The following SUB1 variants were observed in gnomAD, a reference collection of about 807,000 sequenced individuals.
SUB1 encodes the protein SUB1 regulator of transcription, also known as activated RNA polymerase II transcriptional coactivator p15.
A neutral mutation model predicts 16.9 loss-of-function variants in SUB1; 1 was observed. The observed-to-expected ratio is 0.06, with a 90% CI of 0.02 to 0.28. The LOEUF is 0.28. Ranked by LOEUF, SUB1 falls within the 10% of genes least tolerant of loss-of-function variation. The probability of loss-of-function intolerance (pLI) is 1.00; values close to 1 mark genes in which losing one functional copy is unlikely to be tolerated. For missense variants in SUB1, 84 were observed against 145.2 expected, an observed-to-expected ratio of 0.58 and a Z score of 2.16; for synonymous variants, 51 against 46.9, an observed-to-expected ratio of 1.09 and a Z score of -0.36.
At chr5:32,594,805 A>C in intron 3 of SUB1, 1 of 190,794 alleles carries the variant, frequency 5.2e-6, no homozygotes, top group South Asian at 7.8e-5. Context: ...TGAAACGATC[A>C]CCTTTCCCCT....
chr5:32,599,700 G>GT (rs760992493), intron 4 of SUB1, among the ~76,000 whole-genome samples: 2,717 of 142,734 alleles, frequency 0.019, 18 homozygotes, highest in Middle Eastern at 0.058. Flanking sequence ...GCTTCATGCA[G>GT]TTTTTTTTTT....
Position 32,603,441 on chromosome 5 carries a change from G to A in SUB1, c.*2357G>A, listed in dbSNP as rs1401694177. The A allele has an allele frequency of 6.6e-6, 1 of 152,008 alleles. No individual in the cohort carries two copies. Among genetic ancestry groups the A allele is most frequent in the African/African-American group, 2.4e-5 (1 of 41,380 alleles). 9.4% of individuals were successfully genotyped at this position (152,008 alleles called of 1,614,324 possible). ...TTTTTCCCTTTAACAGACTCTATGT[G>A]TATCAGGGCTTTCTAATGGGTTTTT... On this transcript the variant is annotated 3_prime_UTR_variant, in exon 5 of 5. Coordinates refer to ENST00000265073, the MANE Select transcript of SUB1 (RefSeq NM_006713.4).
At chr5:32,589,851 A>ATTTTT (rs1310630810) in intron 2 of SUB1, among the ~76,000 whole-genome samples, 1 of 148,986 alleles carries the variant, frequency 6.7e-6, no homozygotes, top group Non-Finnish European at 1.5e-5. Context: ...CAGGCTCCCT[A>ATTTTT]TCTTTTTTTT....
chr5:32,592,909 G>A (rs1327415612), intron 3 of SUB1, among the ~76,000 whole-genome samples: 1 of 152,138 alleles, frequency 6.6e-6, no homozygotes, highest in Non-Finnish European at 1.5e-5. Context: ...TTAAGAGAGA[G>A]GGTGAAGGAA....
intron 1 of SUB1, among the ~76,000 whole-genome samples, chr5:32,588,126 G>A (rs1308816817): frequency 6.6e-6 from 1 of 152,184 alleles, no homozygotes; most frequent in Non-Finnish European, 1.5e-5. Context: ...GAAGTCTAAA[G>A]CAGTAATAGT....
chr5:32,595,602 G>C (rs1005040177), intron 3 of SUB1: 1 of 152,218 alleles, frequency 6.6e-6, no homozygotes, highest in Non-Finnish European at 1.5e-5. Flanking sequence ...GGGCTATTAG[G>C]AATACAACTG....
intron 3 of SUB1, chr5:32,598,669 A>G (rs550439404): frequency 4.3e-6 from 1 of 230,170 alleles, no homozygotes. Flanking sequence ...TTATGCATTC[A>G]TGACATACCT....
chr5:32,598,808 C>T (rs1359363300), intron 3 of SUB1, 153 bp from the exon 4 acceptor site: 4 of 579,328 alleles, frequency 6.9e-6, no homozygotes, highest in Non-Finnish European at 1.2e-5. Context: ...GTGGGACCTG[C>T]ACAGTTCAGA....
rs1204107572 is a variant in SUB1, at chr5:32,602,243, G to C, written c.*1159G>C. Reference sequence around the variant, plus strand: ...TTAGTGGCTTTGTGGCAATAAATAGGGCATGGTGTGCCTTAGGAAAAGAAT... The same window carrying C: ...TTAGTGGCTTTGTGGCAATAAATAGCGCATGGTGTGCCTTAGGAAAAGAAT... On this transcript the variant is annotated 3_prime_UTR_variant, in exon 5 of 5. Coordinates refer to ENST00000265073, the MANE Select transcript of SUB1 (RefSeq NM_006713.4). 2.2e-6 allele frequency: 1 copy of C among 455,276 alleles called. No individual in the cohort carries two copies. The highest frequency in any genetic ancestry group is 2.4e-5 in the Admixed American group (1 of 42,400). 28.2% of individuals were successfully genotyped at this position (455,276 alleles called of 1,614,324 possible). A position where few individuals can be genotyped will look rare whatever the true frequency, so the allele number is the denominator to read the frequency against.
rs1739158655 is a variant in SUB1 at position 32,603,200 on chromosome 5, A to T, written c.*2116A>T. On this transcript the variant is annotated 3_prime_UTR_variant, in exon 5 of 5. Coordinates refer to ENST00000265073, the MANE Select transcript of SUB1 (RefSeq NM_006713.4). ...TTAAATGTGTTACTGGATATGCAGT[A>T]TACTGAAATTATTAATCAGTTTGTG... 6.6e-6 allele frequency: 1 copy of T among 152,212 alleles called. No individual in the cohort carries two copies. The highest frequency in any genetic ancestry group is 1.5e-5 in the Non-Finnish European group (1 of 67,994). The allele number at this position is 152,212 out of a possible 1,614,324, so 9.4% of individuals were successfully genotyped here.
At chr5:32,586,621 GC>G (rs1255967592) in intron 1 of SUB1, 1 of 152,104 alleles carries the variant, frequency 6.6e-6, no homozygotes, top group Non-Finnish European at 1.5e-5. Flanking sequence ...AGGCCCCCAG[GC>G]AGTTTTTGAT....
intron 3 of SUB1, among the ~76,000 whole-genome samples, chr5:32,593,019 A>G (rs1247605585): frequency 1.3e-5 from 2 of 150,230 alleles, no homozygotes; most frequent in Non-Finnish European, 3.0e-5. Context: ...CGAGACTACA[A>G]TTTTTTTTTT....
chr5:32,596,337 G>A (rs1370233586), intron 3 of SUB1: 1 of 152,062 alleles, frequency 6.6e-6, no homozygotes, highest in Non-Finnish European at 1.5e-5. Context: ...ATTTTCTTTA[G>A]GTTTCTGGTT....
chr5:32,586,707 C>G (rs1368408555), intron 1 of SUB1, among the ~76,000 whole-genome samples: 1 of 152,106 alleles, frequency 6.6e-6, no homozygotes, highest in Admixed American at 6.5e-5. Flanking sequence ...TAAAAAATAT[C>G]TTTTTGTCGT....
intron 4 of SUB1, among the ~76,000 whole-genome samples, chr5:32,599,800 C>T (rs1739072065): frequency 6.6e-6 from 1 of 151,892 alleles, no homozygotes; most frequent in Admixed American, 6.6e-5. Flanking sequence ...ACCAGAGTGG[C>T]CGATGCCATA....
At chr5:32,589,693 G>A (rs1738768260) in intron 2 of SUB1, among the ~76,000 whole-genome samples, 1 of 152,186 alleles carries the variant, frequency 6.6e-6, no homozygotes, top group Non-Finnish European at 1.5e-5. Context: ...TTATCGCATA[G>A]AACTTTACAT....
intron 1 of SUB1, among the ~76,000 whole-genome samples, chr5:32,587,304 G>A (rs1405300251): frequency 6.6e-6 from 1 of 152,184 alleles, no homozygotes; most frequent in Non-Finnish European, 1.5e-5. Flanking sequence ...TGTTATAAGT[G>A]CCTTGAATAG....
At chr5:32,599,821 A>G (rs1405942079) in intron 4 of SUB1, among the ~76,000 whole-genome samples, 3 of 150,752 alleles carry the variant, frequency 2.0e-5, no homozygotes, top group Admixed American at 6.6e-5. Context: ...TTTCTTGTTT[A>G]TTCTTTTTTT....
intron 3 of SUB1, chr5:32,598,478 T>G (rs1315868079): frequency 3.4e-5 from 5 of 147,852 alleles, no homozygotes; most frequent in African/African-American, 1.4e-4. Flanking sequence ...CTTGTAACAT[T>G]TGAGTACACT....
Sources: gnomAD v4.1 joint callset for allele counts (sites outside exome capture counted in the v4.1 genomes callset) on GRCh38, gnomAD v4.1.1 for gene constraint, MANE v1.5 for transcripts, NCBI Gene and HGNC (gene_info 2026-07-23, HGNC 2026-07-21) for gene names.